The following MINPP1 variants were observed in gnomAD, a reference collection of about 807,000 sequenced individuals.
MINPP1 encodes the protein multiple inositol-polyphosphate phosphatase 1, also known as multiple inositol polyphosphate phosphatase 1.
Under a neutral mutation model 46.1 loss-of-function variants are expected in MINPP1, and 28 were observed. The observed-to-expected ratio is 0.61, with a 90% CI of 0.45 to 0.83. The LOEUF (loss-of-function observed/expected upper bound fraction) is 0.83, where lower values mean the gene tolerates loss of function less well. Among genes scored for constraint, MINPP1 ranks in the 40% least tolerant of loss-of-function variants. MINPP1 has a pLI of 0.00. For missense variants in MINPP1, 603 were observed against 610.0 expected (o/e 0.99, Z 0.12); for synonymous variants, 268 against 249.1 (o/e 1.08, Z -0.72).
At chr10:87,551,192 GT>G in intron 4 of MINPP1, among the ~76,000 whole-genome samples, 1 of 152,096 alleles carries the variant, frequency 6.6e-6, no homozygotes, top group East Asian at 1.9e-4. Context: ...GTTTGTGTGT[GT>G]TGGGGGCAGA....
At chr10:87,545,351 C>G (rs1225526986) in intron 4 of MINPP1, among the ~76,000 whole-genome samples, 1 of 150,756 alleles carries the variant, frequency 6.6e-6, no homozygotes, top group East Asian at 1.9e-4. Flanking sequence ...ATATTCTTAC[C>G]TGTATCTAGT....
intron 4 of MINPP1, among the ~76,000 whole-genome samples, chr10:87,525,776 G>T (rs934842625): frequency 1.3e-5 from 2 of 152,124 alleles, no homozygotes; most frequent in Non-Finnish European, 2.9e-5. Flanking sequence ...TCATTGTTCA[G>T]TTCCCACCTA....
intron 2 of MINPP1, chr10:87,509,663 A>G (rs1288587159): frequency 2.0e-5 from 5 of 253,472 alleles, no homozygotes; most frequent in Admixed American, 4.7e-5. Flanking sequence ...TGAATTGAGC[A>G]TTTATATTAT....
At position 87,508,472 on chromosome 10, in the gene MINPP1, G is replaced by T. The variant is rs759179191; in HGVS notation, c.774G>T (p.Met258Ile). 4 of 1,613,822 alleles carry T rather than the reference G, an allele frequency of 2.5e-6. No homozygotes were observed. The highest frequency in any genetic ancestry group is 3.4e-6 in the Non-Finnish European group (4 of 1,179,852). Residue 258 changes from methionine (M) to isoleucine (I), a missense_variant, in exon 2 of 5, where the codon ATG (methionine) becomes ATT (isoleucine). By Grantham distance (10) the Met-to-Ile change is conservative (BLOSUM62 1). Transcript: ENST00000371996. ...HVEAFKTGPEMQNILKKVAAT... is the reference protein window; with the variant it reads ...HVEAFKTGPEIQNILKKVAAT... ...AAGCCTTCAAAACTGGACCAGAAATGCAGAACATTTTAAAAAAAGTTGCAG... is the reference window on the plus strand; with the variant it reads ...AAGCCTTCAAAACTGGACCAGAAATTCAGAACATTTTAAAAAAAGTTGCAG...
intron 4 of MINPP1, among the ~76,000 whole-genome samples, chr10:87,529,085 T>C (rs1483115735): frequency 3.9e-5 from 6 of 152,202 alleles, no homozygotes; most frequent in Admixed American, 3.9e-4. Flanking sequence ...CATCCCTTTA[T>C]TTTGAGCCTA....
At chr10:87,507,897 G>A (rs1022831023) in intron 1 of MINPP1, 1 of 1,164,802 alleles carries the variant, frequency 8.6e-7, no homozygotes, top group South Asian at 2.4e-5. Flanking sequence ...ATACAGAGTT[G>A]GGAAGGTTAA....
At position 87,508,534 on chromosome 10, in the gene MINPP1, G is replaced by A. The variant is rs752574762; in HGVS notation, c.835+1G>A. The A allele has an allele frequency of 1.2e-6, 2 of 1,609,052 alleles. No individual in the cohort carries two copies. Among genetic ancestry groups the A allele is most frequent in the African/African-American group, 2.7e-5 (2 of 74,910 alleles). Reference sequence around the variant, plus strand: ...GTGCCAGTAAATGATTTAAATGCAGGTAATATGTCTGTTGTCTTTTATTTG... The same window carrying A: ...GTGCCAGTAAATGATTTAAATGCAGATAATATGTCTGTTGTCTTTTATTTG... On this transcript the variant is annotated splice_donor_variant, in intron 2 of 4. Transcript: ENST00000371996. LOFTEE classifies it high-confidence loss of function.
At chr10:87,526,112 A>G (rs922613138) in intron 4 of MINPP1, among the ~76,000 whole-genome samples, 1 of 152,184 alleles carries the variant, frequency 6.6e-6, no homozygotes, top group Non-Finnish European at 1.5e-5. Flanking sequence ...CTAGTTCTAG[A>G]TCCTTGAGGA....
Position 87,552,531 on chromosome 10 carries a change from G to C in MINPP1, c.*53G>C. On this transcript the variant is annotated 3_prime_UTR_variant, in exon 5 of 5. Coordinates refer to ENST00000371996, the MANE Select transcript of MINPP1 (RefSeq NM_004897.5). The stretch of plus-strand genomic sequence containing the variant: ...AGGAATCTGCAATGAGTGATTACAT[G>C]CTTGTAATAGGTAGGCAATTCCTTG... 6.5e-7 allele frequency: 1 copy of C among 1,548,580 alleles called. No individual in the cohort carries two copies. Among genetic ancestry groups the C allele is most frequent in the East Asian group, 2.2e-5 (1 of 44,574 alleles).
At chr10:87,545,287 A>C (rs1432226005) in intron 4 of MINPP1, among the ~76,000 whole-genome samples, 1 of 151,994 alleles carries the variant, frequency 6.6e-6, no homozygotes, top group Admixed American at 6.6e-5. Flanking sequence ...TGGGATTTTT[A>C]ATATTCAAGC....
chr10:87,541,447 C>G (rs1350377141), intron 4 of MINPP1, among the ~76,000 whole-genome samples: 1 of 152,112 alleles, frequency 6.6e-6, no homozygotes, highest in Non-Finnish European at 1.5e-5. Context: ...AATTTTATAC[C>G]TCATGATTAT....
In MINPP1 at chr10:87,521,181, C is replaced by A; in HGVS notation, c.1067+12C>A. Reference sequence around the variant, plus strand: ...GAACAGAAACAAAGGTAAGAACTTTCTAAAAAATGTGAAGTACATTTTGAG... The same window carrying A: ...GAACAGAAACAAAGGTAAGAACTTTATAAAAAATGTGAAGTACATTTTGAG... On this transcript the variant is annotated intron_variant, in intron 4 of 4. Transcript: ENST00000371996. 2 of 1,607,354 alleles carry A rather than the reference C, an allele frequency of 1.2e-6. No individual in the cohort carries two copies. Among genetic ancestry groups the A allele is most frequent in the Non-Finnish European group, 1.7e-6 (2 of 1,176,050 alleles).
intron 3 of MINPP1, among the ~76,000 whole-genome samples, chr10:87,513,773 A>G (rs1013833208): frequency 6.6e-6 from 1 of 152,204 alleles, no homozygotes; most frequent in Admixed American, 6.5e-5. Flanking sequence ...AAGTTACCAC[A>G]AACTTACTGG....
rs1439300863 is a variant in MINPP1, at chr10:87,508,680, A to G, written c.835+147A>G. ...ATATGTTCTGGGTCAAAAAAATTGT[A>G]TACCTTGTGCTTACTATTTACCATT... On this transcript the variant is annotated intron_variant, in intron 2 of 4. Transcript: ENST00000371996. 7 of 763,268 alleles carry G rather than the reference A, an allele frequency of 9.2e-6. No individual in the cohort carries two copies. In the East Asian group the frequency reaches 1.9e-4, roughly 21 times the overall value. 47.3% of individuals were successfully genotyped at this position (763,268 alleles called of 1,614,324 possible). A position where few individuals can be genotyped will look rare whatever the true frequency, so the allele number is the denominator to read the frequency against.
At chr10:87,533,895 G>A (rs1218335223) in intron 4 of MINPP1, among the ~76,000 whole-genome samples, 1 of 152,004 alleles carries the variant, frequency 6.6e-6, no homozygotes, top group African/African-American at 2.4e-5. Context: ...GGGGAAACTT[G>A]CTGCTTTAAA....
At chr10:87,512,851 A>G (rs908841502) in intron 2 of MINPP1, among the ~76,000 whole-genome samples, 14 of 152,276 alleles carry the variant, frequency 9.2e-5, no homozygotes, top group Admixed American at 3.9e-4. Flanking sequence ...GGCAGAAAAA[A>G]GTTACCAATT....
In MINPP1 at chr10:87,516,463, C is replaced by A. The variant is rs191563305; in HGVS notation, c.933+3242C>A. Among the ~76,000 whole-genome samples the A allele has an allele frequency of 3.8e-3, 398 of 104,918 alleles. 98 individuals carry two copies. Among genetic ancestry groups the A allele is most frequent in the African/African-American group, 0.011 (372 of 34,952 alleles). 68.8% of individuals were successfully genotyped at this position (104,918 alleles called of 152,430 possible). A position where few individuals can be genotyped will look rare whatever the true frequency, so the allele number is the denominator to read the frequency against. ...AAGTTGGAAGTACATTTACGACTTA[C>A]AATGGATTTATCCAGACATAGCCTC... On this transcript the variant is annotated intron_variant, in intron 3 of 4. Coordinates refer to ENST00000371996, the MANE Select transcript of MINPP1 (RefSeq NM_004897.5).
rs1436780310 is a variant in MINPP1 at position 87,521,097 on chromosome 10, A to G, written c.995A>G (p.Asn332Ser). The change falls in exon 4 of 5, where the codon AAC (asparagine) becomes AGC (serine). Residue 332 changes from asparagine (N) to serine (S), a missense_variant. Around this residue, in one of 3 missense-constraint regions of MINPP1, gnomAD observed 344 missense variants for 381.1 expected, o/e 0.90. Transcript: ENST00000371996. ...AAAAGAGGATATGGGTATACTATTA[A>G]CAGTCGATCCAGCTGCACCTTGTTT... ...YWKRGYGYTI[N>S]SRSSCTLFQD... 2 of 1,563,186 alleles carry G rather than the reference A, an allele frequency of 1.3e-6. No individual in the cohort carries two copies. Among genetic ancestry groups the G allele is most frequent in the Non-Finnish European group, 8.8e-7 (1 of 1,134,356 alleles).
intron 3 of MINPP1, among the ~76,000 whole-genome samples, chr10:87,515,909 A>C (rs1464140485): frequency 2.0e-5 from 3 of 147,538 alleles, no homozygotes; most frequent in Non-Finnish European, 3.0e-5. Flanking sequence ...GCTCACTGCA[A>C]CCTCTGCCTC....
Sources: gnomAD v4.1 joint callset for allele counts (sites outside exome capture counted in the v4.1 genomes callset) on GRCh38, gnomAD v4.1.1 for gene constraint, gnomAD v4.1.1 regional missense constraint, MANE v1.5 for transcripts, NCBI Gene and HGNC (gene_info 2026-07-23, HGNC 2026-07-21) for gene names.